NELL2: variants seen among roughly 807,000 people sequenced by gnomAD.
NELL2 encodes neural EGFL like 2, also known as protein kinase C-binding protein NELL2.
A neutral mutation model predicts 109.6 loss-of-function variants in NELL2; 41 were observed. The ratio of observed to expected loss-of-function variants is 0.37; its 90% CI spans 0.29 to 0.49. NELL2 has a LOEUF of 0.49. Ranked by LOEUF, NELL2 falls within the 20% of genes least tolerant of loss-of-function variation. The pLI, the probability that NELL2 is intolerant of heterozygous loss-of-function variation, is 0.98. For synonymous variants in NELL2, 355 were observed against 344.7 expected, an observed-to-expected ratio of 1.03 and a Z score of -0.33; for missense variants, 900 against 1,008.3, an observed-to-expected ratio of 0.89 and a Z score of 1.45.
chr12:44,803,948 G>A (rs2136658962), intron 3 of NELL2, among the ~76,000 whole-genome samples: 1 of 152,040 alleles, frequency 6.6e-6, no homozygotes, highest in Middle Eastern at 3.4e-3. Flanking sequence ...GTTTAAGTGT[G>A]TAGTTAAAAG....
chr12:44,625,419 T>C (rs1038826497), intron 13 of NELL2, among the ~76,000 whole-genome samples: 3 of 152,162 alleles, frequency 2.0e-5, no homozygotes, highest in Non-Finnish European at 2.9e-5. Flanking sequence ...TATATATGTT[T>C]GATGTGCAAA....
At chr12:44,873,268 AG>A (rs750136674) in intron 2 of NELL2, among the ~76,000 whole-genome samples, 3 of 152,200 alleles carry the variant, frequency 2.0e-5, no homozygotes, top group Non-Finnish European at 4.4e-5. Flanking sequence ...GGCATCAACA[AG>A]GAAGGAAAAA....
At chr12:44,629,957 T>C (rs976235138) in intron 13 of NELL2, among the ~76,000 whole-genome samples, 1 of 152,220 alleles carries the variant, frequency 6.6e-6, no homozygotes, top group African/African-American at 2.4e-5. Context: ...GTTGGTTACA[T>C]ATTATAATGA....
chr12:44,805,978 G>A (rs1947265), intron 3 of NELL2, among the ~76,000 whole-genome samples: 104,951 of 151,512 alleles, frequency 0.69, 36,481 homozygotes, highest in South Asian at 0.73. Context: ...TCTTTTTCTT[G>A]AATTTTTGAA....
At chr12:44,775,331 T>C (rs1037064054) in intron 8 of NELL2, among the ~76,000 whole-genome samples, 1 of 147,208 alleles carries the variant, frequency 6.8e-6, no homozygotes, top group African/African-American at 2.7e-5. Context: ...ATAAACTGGA[T>C]GAACTTTGAG....
At chr12:44,644,273 C>A (rs1382976192) in intron 13 of NELL2, among the ~76,000 whole-genome samples, 1 of 151,968 alleles carries the variant, frequency 6.6e-6, no homozygotes, top group Non-Finnish European at 1.5e-5. Flanking sequence ...GCTAGCAGGA[C>A]TGACAGACAG....
chr12:44,546,754 A>T (rs1339104855), intron 15 of NELL2, among the ~76,000 whole-genome samples: 1 of 152,136 alleles, frequency 6.6e-6, no homozygotes, highest in Non-Finnish European at 1.5e-5. Context: ...TGCCAAGGCA[A>T]CCCCAAATGA....
intron 9 of NELL2, among the ~76,000 whole-genome samples, chr12:44,723,706 C>A (rs181678740): frequency 1.3e-5 from 2 of 152,060 alleles, no homozygotes; most frequent in African/African-American, 2.4e-5. Flanking sequence ...AATTTTAATA[C>A]CCTGTTTTCA....
chr12:44,563,965 A>T (rs1943566313), intron 15 of NELL2, among the ~76,000 whole-genome samples: 1 of 152,216 alleles, frequency 6.6e-6, no homozygotes, highest in Admixed American at 6.5e-5. Context: ...CAGGTCAATA[A>T]TATAGCATAT....
rs539631869 is a variant in NELL2, at chr12:44,800,050, T to C, written c.335+15936A>G. Among the ~76,000 whole-genome samples, 17 of 152,222 alleles carry C rather than the reference T, an allele frequency of 1.1e-4. No individual in the cohort carries two copies. The South Asian group carries it at 2.9e-3, about 26-fold the overall frequency. On this transcript the variant is annotated intron_variant, in intron 3 of 19. Coordinates refer to ENST00000429094, the MANE Select transcript of NELL2 (RefSeq NM_001145108.2). ...ATGCATTCACTCTGATATGAAAAGA[T>C]ATAGAAATATACAGACACATTAATT...
chr12:44,747,946 C>T (rs992601313), intron 9 of NELL2, among the ~76,000 whole-genome samples: 6 of 152,128 alleles, frequency 3.9e-5, no homozygotes, highest in African/African-American at 1.4e-4. Context: ...ACTAACCAAA[C>T]TCGTAATGGA....
chr12:44,754,819 T>C (rs1940811718), intron 9 of NELL2, among the ~76,000 whole-genome samples: 1 of 152,188 alleles, frequency 6.6e-6, no homozygotes. Flanking sequence ...AACAAATCTA[T>C]TCTCTCAGCA....
At chr12:44,903,781 C>T (rs377544631) in intron 1 of NELL2, among the ~76,000 whole-genome samples, 16 of 151,356 alleles carry the variant, frequency 1.1e-4, no homozygotes, top group African/African-American at 3.6e-4. Flanking sequence ...AGCAAACTAA[C>T]ACAGGAACAG....
intron 9 of NELL2, among the ~76,000 whole-genome samples, chr12:44,756,494 G>T (rs181256139): frequency 1.1e-4 from 16 of 151,964 alleles, no homozygotes; most frequent in Admixed American, 9.8e-4. Context: ...ATTGCAAAAA[G>T]CATCACCCCT....
chr12:44,528,587 C>T (rs74085082), intron 16 of NELL2, among the ~76,000 whole-genome samples: 9,667 of 152,236 alleles, frequency 0.064, 439 homozygotes, highest in African/African-American at 0.13. Context: ...ATAAATGTAT[C>T]ATCTACTATG....
At chr12:44,777,348 AC>A (rs751711999) in intron 5 of NELL2, 34 bp from the exon 6 acceptor site, 1 of 1,545,630 alleles carries the variant, frequency 6.5e-7, no homozygotes. Context: ...AAGACATATT[AC>A]TTTCATTTAC....
At chr12:44,590,664 A>C (rs1944711032) in intron 15 of NELL2, among the ~76,000 whole-genome samples, 1 of 152,172 alleles carries the variant, frequency 6.6e-6, no homozygotes, top group Non-Finnish European at 1.5e-5. Context: ...GATTAATAAC[A>C]ACACAGAAGA....
chr12:44,574,701 C>G (rs947735719), intron 15 of NELL2, among the ~76,000 whole-genome samples: 5 of 152,128 alleles, frequency 3.3e-5, no homozygotes, highest in Middle Eastern at 3.4e-3. Context: ...AGCAAAAATA[C>G]CATTTGAATT....
intron 12 of NELL2, among the ~76,000 whole-genome samples, chr12:44,666,210 A>T (rs966687566): frequency 2.0e-5 from 3 of 152,230 alleles, no homozygotes. Context: ...ATTATATTAA[A>T]GATCTTACAT....
Sources: allele counts gnomAD v4.1 joint callset (sites outside exome capture counted in the v4.1 genomes callset), GRCh38; gene constraint gnomAD v4.1.1; transcripts MANE v1.5; gene names NCBI Gene and HGNC (gene_info 2026-07-23, HGNC 2026-07-21).